Variants in RPS6KA1 observed in about 807,000 individuals in gnomAD.
RPS6KA1 encodes ribosomal protein S6 kinase alpha-1.
A neutral mutation model predicts 91.3 loss-of-function variants in RPS6KA1; 48 were observed. The ratio of observed to expected loss-of-function variants is 0.53; its 90% CI spans 0.42 to 0.67. The LOEUF is 0.67. RPS6KA1 is among the 30% of genes least tolerant of loss of function. The probability of loss-of-function intolerance (pLI) is 0.00; values close to 1 mark genes in which losing one functional copy is unlikely to be tolerated. For missense variants in RPS6KA1, 719 were observed against 960.5 expected, an observed-to-expected ratio of 0.75 and a Z score of 3.32; for synonymous variants, 359 against 384.7, an observed-to-expected ratio of 0.93 and a Z score of 0.78.
intron 14 of RPS6KA1, among the ~76,000 whole-genome samples, chr1:26,559,586 G>T (rs1328723117): frequency 1.3e-5 from 2 of 149,862 alleles, no homozygotes; most frequent in Non-Finnish European, 3.0e-5. Context: ...TACCATGTTG[G>T]CTAGGCTGGT....
chr1:26,553,347 A>C (rs754698371), intron 6 of RPS6KA1, 44 bp from the exon 7 acceptor site: 1 of 1,386,314 alleles, frequency 7.2e-7, no homozygotes, highest in East Asian at 2.3e-5. Flanking sequence ...CCAGCTCTTA[A>C]GGAAGAGGAG....
intron 6 of RPS6KA1, among the ~76,000 whole-genome samples, chr1:26,552,473 T>TG (rs2076061392): frequency 6.7e-6 from 1 of 148,408 alleles, no homozygotes; most frequent in Non-Finnish European, 1.5e-5. Context: ...CTAGCTTTTT[T>TG]TTTTTTTAAT....
chr1:26,548,325 C>A (rs1466116782), intron 4 of RPS6KA1, among the ~76,000 whole-genome samples: 2 of 151,798 alleles, frequency 1.3e-5, no homozygotes, highest in Non-Finnish European at 2.9e-5. Flanking sequence ...ATCCGACGCG[C>A]TGGGGAGCTG....
intron 2 of RPS6KA1, among the ~76,000 whole-genome samples, chr1:26,545,239 G>A (rs539909979): frequency 2.0e-5 from 3 of 149,868 alleles, no homozygotes; most frequent in Non-Finnish European, 1.5e-5. Context: ...GCGCTATCTC[G>A]GCTCACTGCA....
In RPS6KA1 at chr1:26,549,690, C is replaced by CTTTT. The variant is rs561375723; in HGVS notation, c.308-1688_308-1685dup. On this transcript the variant is annotated intron_variant, in intron 4 of 21. Coordinates refer to ENST00000374168, the MANE Select transcript of RPS6KA1 (RefSeq NM_002953.4). Reference sequence around the variant, plus strand: ...AGGCAGCCATGTCCAAAAGCCTGTTCTTTTTTTTTTTTTTTTTTTTTTCTT... The same window carrying CTTTT: ...AGGCAGCCATGTCCAAAAGCCTGTTCTTTTTTTTTTTTTTTTTTTTTTTTTTCTT... Among the ~76,000 whole-genome samples, 606 of 101,510 alleles carry CTTTT rather than the reference C, an allele frequency of 6.0e-3. 1 individual carries two copies. Among genetic ancestry groups the CTTTT allele is most frequent in the Non-Finnish European group, 7.8e-3 (415 of 53,090 alleles). The allele number at this position is 101,510 out of a possible 152,430, so 66.6% of individuals were successfully genotyped here.
At chr1:26,563,263 G>C (rs967510187) in intron 17 of RPS6KA1, among the ~76,000 whole-genome samples, 1 of 152,040 alleles carries the variant, frequency 6.6e-6, no homozygotes, top group African/African-American at 2.4e-5. Context: ...GTCTCACTCT[G>C]TTGCCCAGGC....
intron 1 of RPS6KA1, among the ~76,000 whole-genome samples, chr1:26,532,280 G>T (rs2075873410): frequency 6.6e-6 from 1 of 152,164 alleles, no homozygotes; most frequent in South Asian, 2.1e-4. Flanking sequence ...TTTACTATGT[G>T]CCACCCACTC....
At chr1:26,530,051 G>T (rs1044776285) in intron 1 of RPS6KA1, 68 bp downstream of exon 1, 4 of 1,111,150 alleles carry the variant, frequency 3.6e-6, no homozygotes, top group Non-Finnish European at 4.6e-6. Flanking sequence ...GGGCGGGGCG[G>T]CCCGAAGCGC....
chr1:26,530,939 G>A, intron 1 of RPS6KA1: 1 of 1,191,042 alleles, frequency 8.4e-7, no homozygotes, highest in South Asian at 1.5e-5. Flanking sequence ...TTGGGGGTAT[G>A]CAGGGAGGGA....
At chr1:26,553,662 C>T in intron 7 of RPS6KA1, 165 bp downstream of exon 7, 1 of 455,648 alleles carries the variant, frequency 2.2e-6, no homozygotes. Flanking sequence ...GCTGCCCAGT[C>T]ACTAATGCTA....
chr1:26,534,999 G>GTTCCTAAAATTTT (rs2075896113), intron 1 of RPS6KA1, among the ~76,000 whole-genome samples: 1 of 152,202 alleles, frequency 6.6e-6, no homozygotes, highest in South Asian at 2.1e-4. Flanking sequence ...TAGGAATGAT[G>GTTCCTAAAATTTT]AGGGTTTGGA....
chr1:26,559,069 A>C, intron 14 of RPS6KA1, 132 bp downstream of exon 14: 1 of 1,091,868 alleles, frequency 9.2e-7, no homozygotes, highest in Non-Finnish European at 1.3e-6. Flanking sequence ...CCAACATAAA[A>C]CAGGGACAGT....
At chr1:26,556,328 G>A (rs2076101415) in intron 11 of RPS6KA1, among the ~76,000 whole-genome samples, 1 of 152,208 alleles carries the variant, frequency 6.6e-6, no homozygotes, top group African/African-American at 2.4e-5. Context: ...GCTTGCCTTG[G>A]AATGAGGTGG....
chr1:26,544,632 G>T (rs1420590677), intron 2 of RPS6KA1, among the ~76,000 whole-genome samples: 1 of 151,996 alleles, frequency 6.6e-6, no homozygotes, highest in African/African-American at 2.4e-5. Flanking sequence ...CCACCACCAC[G>T]CCCAGCTAAT....
chr1:26,552,480 TA>T (rs982600929), intron 6 of RPS6KA1, among the ~76,000 whole-genome samples: 4 of 145,346 alleles, frequency 2.8e-5, no homozygotes, highest in African/African-American at 1.0e-4. Flanking sequence ...TTTTTTTTTT[TA>T]ATTGTAATTT....
In RPS6KA1 at chr1:26,554,425, C is replaced by G; in HGVS notation, c.614-171C>G. On this transcript the variant is annotated intron_variant, in intron 8 of 21. Coordinates refer to ENST00000374168, the MANE Select transcript of RPS6KA1 (RefSeq NM_002953.4). The surrounding 1 kb of genome is among the most constrained non-coding windows in gnomAD (Gnocchi z 4.6). ...ACACCCTCAGCTGGAATCCCAGCCC[C>G]TCATTGTGTAACGTTGAGCAAGTCA... 1 of 1,133,256 alleles carries G rather than the reference C, an allele frequency of 8.8e-7. No individual in the cohort carries two copies. The highest frequency in any genetic ancestry group is 1.3e-6 in the Non-Finnish European group (1 of 784,640). The allele number at this position is 1,133,256 out of a possible 1,614,324, so 70.2% of individuals were successfully genotyped here.
rs1288460538 is a variant in RPS6KA1, at chr1:26,573,948, A to AC, written c.2086-131_2086-130insC. ...GTGAGACTGTATCTCAAAAAAAAAAAAACAACAAAAACAAAACCAAAAAAA... is the reference window on the plus strand; with the variant it reads ...GTGAGACTGTATCTCAAAAAAAAAAACAACAACAAAAACAAAACCAAAAAAA... On this transcript the variant is annotated intron_variant, in intron 21 of 21. Coordinates refer to ENST00000374168, the MANE Select transcript of RPS6KA1 (RefSeq NM_002953.4). The AC allele has an allele frequency of 1.4e-5, 15 of 1,097,480 alleles. No homozygotes were observed. In the South Asian group the frequency reaches 1.8e-4, roughly 13 times the overall value. The allele number at this position is 1,097,480 out of a possible 1,614,324, so 68.0% of individuals were successfully genotyped here.
At position 26,574,429 on chromosome 1, in the gene RPS6KA1, A is replaced by C. The variant is rs12118436; in HGVS notation, c.*228A>C. 1.3e-6 allele frequency: 1 copy of C among 744,030 alleles called. No homozygotes were observed. Among genetic ancestry groups the C allele is most frequent in the South Asian group, 1.4e-5 (1 of 72,396 alleles). The allele number at this position is 744,030 out of a possible 1,614,324, so 46.1% of individuals were successfully genotyped here. On this transcript the variant is annotated 3_prime_UTR_variant, in exon 22 of 22. Coordinates refer to ENST00000374168, the MANE Select transcript of RPS6KA1 (RefSeq NM_002953.4). This position sits in a 1 kb window ranked among gnomAD's most constrained non-coding sequence, Gnocchi z 4.3. ...CTGGTGGAAAGCGATTCACTGTATA[A>C]ACTTTTTTTTATGAAAAAAATGGCA...
intron 4 of RPS6KA1, among the ~76,000 whole-genome samples, chr1:26,548,423 C>G (rs753838915): frequency 2.6e-5 from 4 of 152,190 alleles, no homozygotes; most frequent in Non-Finnish European, 4.4e-5. Context: ...GAGTGGATTT[C>G]TCTAGACCAA....
Sources: allele counts gnomAD v4.1 joint callset (sites outside exome capture counted in the v4.1 genomes callset), GRCh38; gene constraint gnomAD v4.1.1; non-coding constraint Gnocchi (gnomAD v3.1); transcripts MANE v1.5; gene names NCBI Gene and HGNC (gene_info 2026-07-23, HGNC 2026-07-21).